Variants in MALRD1 observed in about 807,000 individuals in gnomAD.
MALRD1 encodes the protein MAM and LDL-receptor class A domain-containing protein 1.
A neutral mutation model predicts 242.1 loss-of-function variants in MALRD1; 247 were observed. That is an observed-to-expected ratio of 1.02 (90% CI 0.92 to 1.13). The LOEUF is 1.13. Among genes scored for constraint, MALRD1 ranks in the 50% most tolerant of loss-of-function variants. The probability of loss-of-function intolerance (pLI) is 0.00; values close to 1 mark genes in which losing one functional copy is unlikely to be tolerated. For missense variants in MALRD1, 2,989 were observed against 2,533.1 expected, an observed-to-expected ratio of 1.18 and a Z score of -3.86; for synonymous variants, 995 against 866.6, an observed-to-expected ratio of 1.15 and a Z score of -2.60.
chr10:19,427,794 G>A (rs1430059892), intron 28 of MALRD1, among the ~76,000 whole-genome samples: 5 of 152,042 alleles, frequency 3.3e-5, no homozygotes, highest in African/African-American at 9.7e-5. Context: ...ATACCTACAT[G>A]AGGGCTAAAA....
intron 39 of MALRD1, among the ~76,000 whole-genome samples, chr10:19,731,490 CTT>C (rs1197017774): frequency 6.9e-6 from 1 of 145,038 alleles, no homozygotes; most frequent in Non-Finnish European, 1.5e-5. Flanking sequence ...ACATAGTTTA[CTT>C]TGTGTGTGTG....
chr10:19,457,636 G>A (rs1418945570), intron 29 of MALRD1, among the ~76,000 whole-genome samples: 1 of 151,208 alleles, frequency 6.6e-6, no homozygotes, highest in Non-Finnish European at 1.5e-5. Context: ...TCAGAATGTT[G>A]CATTCCTAGC....
intron 12 of MALRD1, 121 bp downstream of exon 12, chr10:19,155,293 T>A (rs377366113): frequency 2.3e-6 from 1 of 439,560 alleles, no homozygotes; most frequent in Admixed American, 4.4e-5. Flanking sequence ...ATTAAGAGAT[T>A]TACATGCGCT....
chr10:19,565,504 T>G (rs1049464336), intron 32 of MALRD1, among the ~76,000 whole-genome samples: 1 of 152,138 alleles, frequency 6.6e-6, no homozygotes, highest in Non-Finnish European at 1.5e-5. Flanking sequence ...TAAACCAAGA[T>G]TTGTGTAAAA....
At chr10:19,426,896 T>G (rs1186349159) in intron 28 of MALRD1, among the ~76,000 whole-genome samples, 1 of 152,190 alleles carries the variant, frequency 6.6e-6, no homozygotes, top group Non-Finnish European at 1.5e-5. Context: ...TTAAATGTGG[T>G]CTCATAACAC....
chr10:19,535,791 C>T (rs1360422141), intron 32 of MALRD1, among the ~76,000 whole-genome samples: 3 of 152,134 alleles, frequency 2.0e-5, no homozygotes, highest in Admixed American at 6.5e-5. Flanking sequence ...TTGAGAGACA[C>T]TGCCCCAGAA....
At chr10:19,351,926 G>A in intron 25 of MALRD1, 80 bp from the exon 26 acceptor site, 1 of 1,217,984 alleles carries the variant, frequency 8.2e-7, no homozygotes, top group Admixed American at 2.6e-5. Context: ...AAAGAAGAGG[G>A]CAATGTGATA....
At chr10:19,448,752 T>G (rs957570403) in intron 28 of MALRD1, among the ~76,000 whole-genome samples, 2 of 151,926 alleles carry the variant, frequency 1.3e-5, no homozygotes, top group Non-Finnish European at 2.9e-5. Context: ...ATTAAAAAAT[T>G]TTATGTAAAA....
chr10:19,333,717 C>T (rs1167882799), intron 24 of MALRD1, among the ~76,000 whole-genome samples: 4 of 152,140 alleles, frequency 2.6e-5, no homozygotes, highest in South Asian at 2.1e-4. Context: ...TTTCAGAAGT[C>T]TTCAAACTCC....
chr10:19,467,714 G>C (rs938441502), intron 29 of MALRD1, among the ~76,000 whole-genome samples: 2 of 149,328 alleles, frequency 1.3e-5, no homozygotes, highest in African/African-American at 2.5e-5. Context: ...GTCTAACAAC[G>C]TTTTTTCCCT....
chr10:19,636,830 C>A (rs1840151588), intron 36 of MALRD1, among the ~76,000 whole-genome samples: 1 of 147,480 alleles, frequency 6.8e-6, no homozygotes, highest in South Asian at 2.1e-4. Flanking sequence ...GCCTGGGAGG[C>A]AGAAGTTGCA....
intron 18 of MALRD1, among the ~76,000 whole-genome samples, chr10:19,221,234 T>C (rs1217785296): frequency 1.3e-5 from 2 of 152,162 alleles, no homozygotes; most frequent in Non-Finnish European, 2.9e-5. Context: ...TCTGAAGTTA[T>C]GTTGTAAATA....
At chr10:19,462,659 A>T (rs1836004461) in intron 29 of MALRD1, among the ~76,000 whole-genome samples, 1 of 152,242 alleles carries the variant, frequency 6.6e-6, no homozygotes, top group East Asian at 1.9e-4. Context: ...TTTTGCATTC[A>T]ATAAATATTA....
At chr10:19,463,386 C>T (rs943015025) in intron 29 of MALRD1, among the ~76,000 whole-genome samples, 5 of 5,972 alleles carry the variant, frequency 8.4e-4, no homozygotes, top group African/African-American at 1.9e-3. Flanking sequence ...TACAATGCAT[C>T]CTCTGCATCC....
chr10:19,409,159 A>G (rs1833164154), intron 28 of MALRD1, among the ~76,000 whole-genome samples: 1 of 152,238 alleles, frequency 6.6e-6, no homozygotes, highest in Non-Finnish European at 1.5e-5. Context: ...AATGAAAAAG[A>G]GCAAACTATT....
intron 18 of MALRD1, among the ~76,000 whole-genome samples, chr10:19,248,260 T>C (rs1292935023): frequency 6.6e-6 from 1 of 152,010 alleles, no homozygotes; most frequent in Non-Finnish European, 1.5e-5. Flanking sequence ...GCAGGTATTA[T>C]TTTCACTAAA....
chr10:19,392,919 T>G (rs758479048), intron 28 of MALRD1, among the ~76,000 whole-genome samples: 5 of 152,158 alleles, frequency 3.3e-5, no homozygotes, highest in Non-Finnish European at 7.4e-5. Context: ...AAACACTGTG[T>G]GCATGAGATT....
chr10:19,508,110 G>T lies in MALRD1; in HGVS notation c.5320+9464G>T, dbSNP rs539421977. Among the ~76,000 whole-genome samples the T allele has an allele frequency of 2.0e-5, 3 of 151,384 alleles. No homozygotes were observed. In the East Asian group the frequency reaches 5.8e-4, roughly 29 times the overall value. The stretch of plus-strand genomic sequence containing the variant: ...TAGGAAAAAAAGGAGTTTCTGGATG[G>T]TGGGGGTGGGGGAAGAAGAGTGAGT... On this transcript the variant is annotated intron_variant, in intron 31 of 39. Transcript: ENST00000454679.
intron 10 of MALRD1, among the ~76,000 whole-genome samples, chr10:19,140,642 A>G (rs575766805): frequency 1.8e-4 from 27 of 152,128 alleles, no homozygotes; most frequent in Admixed American, 1.8e-3. Context: ...CCTATTTGTG[A>G]CAATGATGAG....
Sources: gnomAD v4.1 joint callset for allele counts (sites outside exome capture counted in the v4.1 genomes callset) on GRCh38, gnomAD v4.1.1 for gene constraint, MANE v1.5 for transcripts, NCBI Gene and HGNC (gene_info 2026-07-23, HGNC 2026-07-21) for gene names.